Variants in SYN3 observed in about 807,000 individuals in gnomAD.
SYN3 encodes synapsin-3.
SYN3 carries 35 observed loss-of-function variants against 65.8 expected under a neutral mutation model. That is an observed-to-expected ratio of 0.53 (90% CI 0.41 to 0.70). SYN3 has a LOEUF of 0.70. Among genes scored for constraint, SYN3 ranks in the 30% least tolerant of loss-of-function variants. SYN3 has a pLI of 0.00. For missense variants in SYN3, 680 were observed against 749.0 expected, an observed-to-expected ratio of 0.91 and a Z score of 1.08; for synonymous variants, 270 against 292.9, an observed-to-expected ratio of 0.92 and a Z score of 0.80.
rs374019700 is a variant in SYN3, at chr22:33,006,701, C to T, written c.-39G>A. 75 of 1,535,476 alleles carry T rather than the reference C, an allele frequency of 4.9e-5. No homozygotes were observed. The highest frequency in any genetic ancestry group is 1.8e-4 in the Middle Eastern group (1 of 5,674). On this transcript the variant is annotated 5_prime_UTR_variant, in exon 2 of 14. Transcript: ENST00000358763. The stretch of plus-strand genomic sequence containing the variant: ...TGGAGATGACTGGCTCCTACCCAGA[C>T]GTGTGTAGGTGAGGCCCAGAAGACA...
intron 3 of SYN3, among the ~76,000 whole-genome samples, chr22:32,957,644 C>A (rs1359510753): frequency 6.6e-6 from 1 of 152,188 alleles, no homozygotes. Flanking sequence ...GGTTGATTTG[C>A]AAATCCCCAT....
chr22:32,547,423 C>G (rs1181380042), intron 7 of SYN3, among the ~76,000 whole-genome samples: 1 of 152,076 alleles, frequency 6.6e-6, no homozygotes, highest in Admixed American at 6.5e-5. Context: ...TTCAGTTTTC[C>G]TGACCTCTTT....
chr22:32,696,034 A>T (rs2060732027), intron 6 of SYN3, among the ~76,000 whole-genome samples: 1 of 152,064 alleles, frequency 6.6e-6, no homozygotes, highest in South Asian at 2.1e-4. Flanking sequence ...AACTGAACAC[A>T]CCTCCAAATT....
intron 6 of SYN3, among the ~76,000 whole-genome samples, chr22:32,651,647 G>A (rs5749479): frequency 0.18 from 26,834 of 152,028 alleles, 3,418 homozygotes; most frequent in East Asian, 0.69. Context: ...TCAGCCACGC[G>A]TGATACCCCA....
intron 7 of SYN3, among the ~76,000 whole-genome samples, chr22:32,550,937 G>C (rs188991730): frequency 5.9e-5 from 9 of 152,302 alleles, no homozygotes; most frequent in African/African-American, 2.2e-4. Context: ...GGGATAACTT[G>C]AGTATCAGAA....
intron 6 of SYN3, among the ~76,000 whole-genome samples, chr22:32,650,853 C>T (rs960548851): frequency 6.6e-6 from 1 of 152,164 alleles, no homozygotes; most frequent in African/African-American, 2.4e-5. Flanking sequence ...TTAGAGACGG[C>T]CAAAAATATT....
chr22:32,637,417 G>A (rs915165379), intron 6 of SYN3, among the ~76,000 whole-genome samples: 8 of 152,158 alleles, frequency 5.3e-5, no homozygotes, highest in Non-Finnish European at 1.2e-4. Flanking sequence ...TGGTGGATAT[G>A]TCAGGTATTA....
intron 6 of SYN3, among the ~76,000 whole-genome samples, chr22:32,661,541 C>T (rs2147005552): frequency 6.6e-6 from 1 of 151,906 alleles, no homozygotes; most frequent in South Asian, 2.1e-4. Context: ...TCTTTTTTGC[C>T]CTCCCCTTGG....
At chr22:32,558,569 A>G (rs1189650182) in intron 7 of SYN3, among the ~76,000 whole-genome samples, 1 of 152,182 alleles carries the variant, frequency 6.6e-6, no homozygotes, top group African/African-American at 2.4e-5. Flanking sequence ...TCTCTTTCCT[A>G]TCTTTTCCCT....
chr22:32,853,045 T>C (rs1012687856), intron 6 of SYN3, among the ~76,000 whole-genome samples: 1 of 152,230 alleles, frequency 6.6e-6, no homozygotes, highest in African/African-American at 2.4e-5. Flanking sequence ...TTGCATGTCC[T>C]GACTGTAGGC....
chr22:33,052,705 C>T (rs996670318), intron 1 of SYN3, among the ~76,000 whole-genome samples: 1 of 152,314 alleles, frequency 6.6e-6, no homozygotes, highest in East Asian at 1.9e-4. Flanking sequence ...ACCAATGGAG[C>T]ACCAGCCAAA....
In SYN3 at chr22:33,017,968, A is replaced by G. The variant is rs899428956; in HGVS notation, c.-162-11144T>C. On this transcript the variant is annotated intron_variant, in intron 1 of 13. Transcript: ENST00000358763. Reference sequence around the variant, plus strand: ...GGATGGCCAGCTCCATCAGGAAGTTAGAACAAGATTCTTGTAAGAGAATGT... The same window carrying G: ...GGATGGCCAGCTCCATCAGGAAGTTGGAACAAGATTCTTGTAAGAGAATGT... 4.6e-5 allele frequency among the ~76,000 whole-genome samples: 7 copies of G among 152,326 alleles called. 1 individual carries two copies. The highest frequency in any genetic ancestry group is 3.9e-4 in the East Asian group (2 of 5,186).
chr22:32,863,485 C>G (rs1330182418), intron 6 of SYN3, among the ~76,000 whole-genome samples: 3 of 152,136 alleles, frequency 2.0e-5, no homozygotes, highest in Admixed American at 6.5e-5. Context: ...TTGGGAACAC[C>G]AGGAACTCAT....
At chr22:32,980,275 A>C (rs1249901406) in intron 3 of SYN3, among the ~76,000 whole-genome samples, 2 of 152,106 alleles carry the variant, frequency 1.3e-5, no homozygotes, top group African/African-American at 4.8e-5. Context: ...ATGTTCCTAA[A>C]CTATGCTCTC....
rs140907502 is a variant in SYN3, at chr22:32,894,389, C to G, written c.462-25264G>C. ...AACCCAACAACTACAACCTTCCTCTCTTTTGTCTCTTTCTATTGCAGAGGG... is the reference window on the plus strand; with the variant it reads ...AACCCAACAACTACAACCTTCCTCTGTTTTGTCTCTTTCTATTGCAGAGGG... On this transcript the variant is annotated intron_variant, in intron 4 of 13. Transcript: ENST00000358763. Among the ~76,000 whole-genome samples, 86 of 152,336 alleles carry G rather than the reference C, an allele frequency of 5.6e-4. 1 individual carries two copies. Among genetic ancestry groups the G allele is most frequent in the African/African-American group, 1.8e-3 (76 of 41,582 alleles).
At chr22:32,866,888 G>A (rs1387524231) in intron 5 of SYN3, among the ~76,000 whole-genome samples, 1 of 152,170 alleles carries the variant, frequency 6.6e-6, no homozygotes, top group Admixed American at 6.5e-5. Context: ...CTTGTTCCAG[G>A]TATCTAAGGC....
intron 9 of SYN3, among the ~76,000 whole-genome samples, chr22:32,536,364 G>C (rs1389563583): frequency 6.6e-6 from 1 of 152,204 alleles, no homozygotes; most frequent in African/African-American, 2.4e-5. Context: ...TCCCTGCCAG[G>C]GGCTGGTTCT....
chr22:32,914,444 T>C (rs1182395497), intron 4 of SYN3, among the ~76,000 whole-genome samples: 1 of 151,580 alleles, frequency 6.6e-6, no homozygotes, highest in Non-Finnish European at 1.5e-5. Flanking sequence ...TGGAGTTTTT[T>C]TTTTTTTTTT....
intron 2 of SYN3, among the ~76,000 whole-genome samples, chr22:33,003,475 C>T (rs1035467053): frequency 6.6e-6 from 1 of 152,074 alleles, no homozygotes; most frequent in African/African-American, 2.4e-5. Context: ...GAGGTGGTCT[C>T]AGATGGAGAT....
Sources: allele counts gnomAD v4.1 joint callset (sites outside exome capture counted in the v4.1 genomes callset), GRCh38; gene constraint gnomAD v4.1.1; transcripts MANE v1.5; gene names NCBI Gene and HGNC (gene_info 2026-07-23, HGNC 2026-07-21).